Variants in AKAP11 observed in about 807,000 individuals in gnomAD.
AKAP11 encodes A-kinase anchor protein 11.
A neutral mutation model predicts 146.1 loss-of-function variants in AKAP11; 36 were observed. The observed-to-expected ratio is 0.25, with a 90% confidence interval of 0.19 to 0.33. The LOEUF (loss-of-function observed/expected upper bound fraction) is 0.33, where lower values mean the gene tolerates loss of function less well. Among genes scored for constraint, AKAP11 ranks in the 10% least tolerant of loss-of-function variants. AKAP11 has a pLI of 1.00. For missense variants in AKAP11, 2,201 were observed against 2,197.0 expected (o/e 1.00, Z -0.04); for synonymous variants, 780 against 786.5 (o/e 0.99, Z 0.14).
Position 42,286,370 on chromosome 13 carries a change from C to A in AKAP11, c.22C>A (p.His8Asn). 6.2e-7 allele frequency: 1 copy of A among 1,600,706 alleles called. No homozygotes were observed. Among genetic ancestry groups the A allele is most frequent in the Non-Finnish European group, 8.5e-7 (1 of 1,174,570 alleles). Residue 8 changes from histidine to asparagine, a missense_variant, in exon 3 of 13, where the codon CAC becomes AAC. Coordinates refer to ENST00000025301, the MANE Select transcript of AKAP11 (RefSeq NM_016248.4). ...AGTTATGGCGACTTTCAGAAACAATCACATGAAGACTAAAGCATCTGTCAG... is the reference window on the plus strand; with the variant it reads ...AGTTATGGCGACTTTCAGAAACAATAACATGAAGACTAAAGCATCTGTCAG... Reference protein sequence around the residue: MATFRNNHMKTKASVRKS... With the variant: MATFRNNNMKTKASVRKS...
chr13:42,319,016 A>G, intron 12 of AKAP11, 72 bp from the exon 13 acceptor site: 1 of 1,486,048 alleles, frequency 6.7e-7, no homozygotes. Context: ...TTCAGCTAAT[A>G]TTGAAAATAA....
chr13:42,274,387 A>T (rs573291396), intron 1 of AKAP11, among the ~76,000 whole-genome samples: 1 of 152,266 alleles, frequency 6.6e-6, no homozygotes, highest in Middle Eastern at 3.4e-3. Flanking sequence ...AAAGTTTATT[A>T]AAAAAATACT....
At chr13:42,317,121 G>T (rs1271377221) in intron 11 of AKAP11, among the ~76,000 whole-genome samples, 1 of 152,096 alleles carries the variant, frequency 6.6e-6, no homozygotes, top group Admixed American at 6.6e-5. Context: ...CAAGCGATCT[G>T]CCCACGTCGG....
intron 11 of AKAP11, 126 bp from the exon 12 acceptor site, chr13:42,317,402 T>A (rs948967682): frequency 1.0e-6 from 1 of 981,022 alleles, no homozygotes; most frequent in Non-Finnish European, 1.5e-6. Flanking sequence ...TAGAAAAAGA[T>A]GGATATTTTT....
Position 42,319,592 on chromosome 13 carries a change from AG to A in AKAP11, c.*365del, listed in dbSNP as rs1960990945. 1 of 165,774 alleles carries A rather than the reference AG, an allele frequency of 6.0e-6. No homozygotes were observed. Among genetic ancestry groups the A allele is most frequent in the Non-Finnish European group, 1.3e-5 (1 of 77,166 alleles). The allele number at this position is 165,774 out of a possible 1,614,324, so 10.3% of individuals were successfully genotyped here. A position where few individuals can be genotyped will look rare whatever the true frequency, so the allele number is the denominator to read the frequency against. On this transcript the variant is annotated 3_prime_UTR_variant, in exon 13 of 13. Coordinates refer to ENST00000025301, the MANE Select transcript of AKAP11 (RefSeq NM_016248.4). ...ACTGAAGTGGCTGAGGATAGGTTCC[AG>A]TGATAGAGTTATAATTTTGCTCCTT...
chr13:42,296,187 A>G (rs994517467), intron 5 of AKAP11, among the ~76,000 whole-genome samples: 1 of 152,104 alleles, frequency 6.6e-6, no homozygotes, highest in African/African-American at 2.4e-5. Context: ...ATTCCTACAT[A>G]TTTCCTTTTG....
Position 42,304,847 on chromosome 13 carries a change from T to G in AKAP11, c.5117+984T>G, listed in dbSNP as rs1044000589. ...CTCACTGCAACCTTTGCCTCCCGGGTTCAAGCGATTCCTGTGCCTCAGCCT... is the reference window on the plus strand; with the variant it reads ...CTCACTGCAACCTTTGCCTCCCGGGGTCAAGCGATTCCTGTGCCTCAGCCT... On this transcript the variant is annotated intron_variant, in intron 8 of 12. Transcript: ENST00000025301. Among the ~76,000 whole-genome samples, 3 of 151,076 alleles carry G rather than the reference T, an allele frequency of 2.0e-5. No homozygotes were observed. The South Asian group carries it at 6.3e-4, about 32-fold the overall frequency.
intron 1 of AKAP11, among the ~76,000 whole-genome samples, chr13:42,277,923 T>A (rs544566760): frequency 8.5e-5 from 13 of 152,346 alleles, no homozygotes; most frequent in African/African-American, 2.4e-4. Context: ...GACATTTAAC[T>A]GTTACATAAG....
intron 5 of AKAP11, 73 bp downstream of exon 5, chr13:42,295,815 C>A: frequency 7.1e-7 from 1 of 1,405,928 alleles, no homozygotes; most frequent in South Asian, 1.2e-5. Context: ...CCACAAAAGT[C>A]ATTTATCTGA....
chr13:42,303,200 C>A lies in AKAP11; in HGVS notation c.4454C>A (p.Thr1485Lys), dbSNP rs746532342. 2 of 1,614,016 alleles carry A rather than the reference C, an allele frequency of 1.2e-6. No individual in the cohort carries two copies. The highest frequency in any genetic ancestry group is 1.7e-6 in the Non-Finnish European group (2 of 1,180,032). Residue 1485 changes from threonine to lysine, a missense_variant, in exon 8 of 13, where the codon ACA (threonine) becomes AAA (lysine). By Grantham distance (78) the Thr-to-Lys change is moderately conservative. Coordinates refer to ENST00000025301, the MANE Select transcript of AKAP11 (RefSeq NM_016248.4). Reference protein sequence around the residue: ...ASLVGLPKSLTDSCLFEKSGY... With the variant: ...ASLVGLPKSLKDSCLFEKSGY... Reference sequence around the variant, plus strand: ...CTAGTTGGCCTACCAAAATCCTTAACAGATTCTTGCTTGTTTGAAAAATCT... The same window carrying A: ...CTAGTTGGCCTACCAAAATCCTTAAAAGATTCTTGCTTGTTTGAAAAATCT...
intron 4 of AKAP11, among the ~76,000 whole-genome samples, chr13:42,294,601 A>C (rs548639108): frequency 2.3e-3 from 356 of 152,148 alleles, no homozygotes; most frequent in African/African-American, 8.1e-3. Context: ...ACGAGGTTTC[A>C]CCATGTTGGC....
intron 11 of AKAP11, among the ~76,000 whole-genome samples, chr13:42,314,848 C>T (rs1960744557): frequency 6.6e-6 from 1 of 151,952 alleles, no homozygotes; most frequent in Non-Finnish European, 1.5e-5. Flanking sequence ...TCACTGGCCA[C>T]AGAGTTTTGG....
Position 42,298,639 on chromosome 13 carries a change from G to A in AKAP11, c.458G>A (p.Arg153Lys). Residue 153 changes from arginine (R) to lysine (K), a missense_variant, in exon 7 of 13, where the codon AGG (arginine) becomes AAG (lysine). Around this residue, in one of 3 missense-constraint regions of AKAP11, gnomAD observed 331 missense variants for 347.4 expected, o/e 0.95. Transcript: ENST00000025301. ...CTAAGTAAATATGCTACTGGTATAA[G>A]GTACACCTTGGACACATTCTTGCAT... The part of the protein sequence containing the change: ...SLLSKYATGI[R>K]YTLDTFLHQK... The A allele has an allele frequency of 1.2e-6, 2 of 1,612,484 alleles. No homozygotes were observed. The highest frequency in any genetic ancestry group is 1.7e-6 in the Non-Finnish European group (2 of 1,179,390).
chr13:42,315,736 C>T, intron 11 of AKAP11, among the ~76,000 whole-genome samples: 1 of 152,100 alleles, frequency 6.6e-6, no homozygotes, highest in East Asian at 1.9e-4. Flanking sequence ...AGGTATTTCT[C>T]ATTATATAGA....
In AKAP11 at chr13:42,299,348, A is replaced by G. The variant is rs1297069902; in HGVS notation, c.617-15A>G. On this transcript the variant is annotated splice_polypyrimidine_tract_variant and intron_variant, in intron 7 of 12. Coordinates refer to ENST00000025301, the MANE Select transcript of AKAP11 (RefSeq NM_016248.4). ...TGTTCAAAAATAATTTCACCATTTC[A>G]TTCTTTTCCTATAGGAATGAACATT... 6.4e-7 allele frequency: 1 copy of G among 1,567,872 alleles called. No homozygotes were observed. The highest frequency in any genetic ancestry group is 1.2e-5 in the South Asian group (1 of 83,682).
rs769167231 is a variant in AKAP11, at chr13:42,303,383, AAGT to A, written c.4641_4643del (p.Val1548del). The A allele has an allele frequency of 7.4e-6, 12 of 1,613,796 alleles. No individual in the cohort carries two copies. The Admixed American group carries it at 2.0e-4, about 27-fold the overall frequency. The stretch of plus-strand genomic sequence containing the variant: ...CAAGCTGTAGAACAGTATGCCAAAA[AAGT>A]AGTGGATGACACTCTAGAGCTAACT... On this transcript the variant is annotated inframe_deletion, in exon 8 of 13. Coordinates refer to ENST00000025301, the MANE Select transcript of AKAP11 (RefSeq NM_016248.4).
At chr13:42,317,733 A>G (rs548953102) in intron 12 of AKAP11, 45 bp downstream of exon 12, 2 of 1,576,834 alleles carry the variant, frequency 1.3e-6, no homozygotes, top group African/African-American at 1.4e-5. Flanking sequence ...TTAACAGTAT[A>G]TGATGTTCTT....
At chr13:42,281,972 TTTTC>T (rs1187540684) in intron 1 of AKAP11, among the ~76,000 whole-genome samples, 4 of 150,066 alleles carry the variant, frequency 2.7e-5, no homozygotes, top group South Asian at 4.2e-4. Context: ...GTATATAATT[TTTTC>T]TTTCTTTTTT....
intron 6 of AKAP11, among the ~76,000 whole-genome samples, 185 bp downstream of exon 6, chr13:42,297,367 G>C (rs61959444): frequency 0.12 from 18,705 of 151,582 alleles, 1,295 homozygotes; most frequent in South Asian, 0.17. Flanking sequence ...TAATAATTTT[G>C]GTCATATCTT....
Sources: gnomAD v4.1 joint callset for allele counts (sites outside exome capture counted in the v4.1 genomes callset) on GRCh38, gnomAD v4.1.1 for gene constraint, gnomAD v4.1.1 regional missense constraint, MANE v1.5 for transcripts, NCBI Gene and HGNC (gene_info 2026-07-23, HGNC 2026-07-21) for gene names.